NAV3: variants seen among roughly 807,000 people sequenced by gnomAD.
NAV3 encodes the protein neuron navigator 3.
Under a neutral mutation model 244.7 loss-of-function variants are expected in NAV3, and 87 were observed. The ratio of observed to expected loss-of-function variants is 0.36; its 90% CI spans 0.30 to 0.42. NAV3 has a LOEUF of 0.42. Among genes scored for constraint, NAV3 ranks in the 20% least tolerant of loss-of-function variants. The pLI is 1.00. For missense variants in NAV3, 2,663 were observed against 2,893.3 expected (o/e 0.92, Z 1.83); for synonymous variants, 1,126 against 1,042.2 (o/e 1.08, Z -1.55).
intron 2 of NAV3, among the ~76,000 whole-genome samples, chr12:77,824,541 G>T (rs969079396): frequency 2.0e-5 from 3 of 151,942 alleles, no homozygotes; most frequent in Admixed American, 2.0e-4. Flanking sequence ...TCCAAAATTT[G>T]ATATAAACTA....
At chr12:77,636,866 C>T (rs1364057775) in intron 2 of NAV3, among the ~76,000 whole-genome samples, 1 of 152,084 alleles carries the variant, frequency 6.6e-6, no homozygotes, top group African/African-American at 2.4e-5. Context: ...TGAAAACCAT[C>T]ATTCTCAGCA....
intron 8 of NAV3, among the ~76,000 whole-genome samples, chr12:78,017,172 G>A (rs1246566428): frequency 6.6e-6 from 1 of 152,038 alleles, no homozygotes; most frequent in Non-Finnish European, 1.5e-5. Flanking sequence ...ATAGGCTCTA[G>A]GAAAATACTA....
chr12:77,657,958 C>T (rs1481571358), intron 2 of NAV3, among the ~76,000 whole-genome samples: 80 of 152,196 alleles, frequency 5.3e-4, no homozygotes, highest in African/African-American at 1.8e-3. Flanking sequence ...GGATGTATCT[C>T]AAAATAATAA....
intron 2 of NAV3, among the ~76,000 whole-genome samples, chr12:77,772,937 T>C (rs960578609): frequency 6.6e-6 from 1 of 152,208 alleles, no homozygotes; most frequent in Non-Finnish European, 1.5e-5. Context: ...GAATAACAGA[T>C]AAATCTGGAC....
At chr12:77,824,621 AG>A (rs1235074566) in intron 2 of NAV3, among the ~76,000 whole-genome samples, 2 of 151,968 alleles carry the variant, frequency 1.3e-5, no homozygotes, top group African/African-American at 4.8e-5. Flanking sequence ...GGCCAGGTGC[AG>A]TGGCTAACAC....
Position 77,777,089 on chromosome 12 carries a change from C to T in NAV3, c.73-163230C>T, listed in dbSNP as rs566322492. Among the ~76,000 whole-genome samples the T allele has an allele frequency of 8.3e-4, 126 of 152,240 alleles. No individual in the cohort carries two copies. In the Middle Eastern group the frequency reaches 0.014, roughly 17 times the overall value. On this transcript the variant is annotated intron_variant, in intron 2 of 8. Transcript: ENST00000550042. ...TGCTTATAAACTAGTCTCGCTTTATCTGTGGGGACTTGTTCCAAGGCCCCT... is the reference window on the plus strand; with the variant it reads ...TGCTTATAAACTAGTCTCGCTTTATTTGTGGGGACTTGTTCCAAGGCCCCT...
intron 39 of NAV3, among the ~76,000 whole-genome samples, chr12:78,209,743 A>G (rs1960707068): frequency 6.6e-6 from 1 of 152,184 alleles, no homozygotes. Flanking sequence ...GACAGCCACT[A>G]TTGTTCCAGA....
Position 78,148,896 on chromosome 12 carries a change from C to T in NAV3, c.4762C>T (p.Leu1588Phe), listed in dbSNP as rs2139227185. ...TGCATCACAAGAAAAAGTTGCTACC[C>T]TCACATCTCAGCTTTCAGCAAATGT... Reference protein sequence around the residue: ...LVASQEKVATLTSQLSANAHL... With the variant: ...LVASQEKVATFTSQLSANAHL... Residue 1588 changes from leucine to phenylalanine, a missense_variant, in exon 22 of 40, where the codon CTC becomes TTC. By Grantham distance (22) the Leu-to-Phe change is conservative. Around this residue, in one of 6 missense-constraint regions of NAV3, gnomAD observed 48 missense variants for 90.0 expected, o/e 0.53. Coordinates refer to ENST00000397909, the MANE Select transcript of NAV3 (RefSeq NM_001024383.2). 6.2e-7 allele frequency: 1 copy of T among 1,612,598 alleles called. No individual in the cohort carries two copies. The highest frequency in any genetic ancestry group is 8.5e-7 in the Non-Finnish European group (1 of 1,179,198).
intron 2 of NAV3, among the ~76,000 whole-genome samples, chr12:77,664,720 A>G (rs1456203363): frequency 1.3e-5 from 2 of 152,186 alleles, no homozygotes. Flanking sequence ...CCCCACTTTG[A>G]TTTATTTATA....
intron 1 of NAV3, among the ~76,000 whole-genome samples, chr12:77,834,585 G>A (rs61709199): frequency 0.15 from 23,029 of 152,178 alleles, 4,351 homozygotes; most frequent in African/African-American, 0.45. Flanking sequence ...TATCTTTTCT[G>A]TAGGTTTAGT....
At chr12:78,090,191 A>G (rs775821510) in intron 12 of NAV3, among the ~76,000 whole-genome samples, 111 of 126,724 alleles carry the variant, frequency 8.8e-4, no homozygotes, top group Non-Finnish European at 1.5e-3. Context: ...ATATGTGTGT[A>G]TATATATATA....
chr12:77,928,730 G>A lies in NAV3; in HGVS notation c.244-11589G>A, dbSNP rs185509801. 1.2e-3 allele frequency among the ~76,000 whole-genome samples: 179 copies of A among 152,222 alleles called. 1 individual carries two copies. Among genetic ancestry groups the A allele is most frequent in the Non-Finnish European group, 2.0e-3 (137 of 68,012 alleles). ...CCTTTCTTTTCCTATCAACTTACCT[G>A]TATTTCTGTTCATCTAAAAATTTCC... On this transcript the variant is annotated intron_variant, in intron 1 of 39. Transcript: ENST00000397909.
chr12:77,616,739 C>A (rs1871158613), intron 2 of NAV3, among the ~76,000 whole-genome samples: 1 of 152,000 alleles, frequency 6.6e-6, no homozygotes, highest in Admixed American at 6.6e-5. Context: ...CGCACACACA[C>A]ACACACACAC....
At chr12:78,199,759 G>A (rs1467408986) in intron 37 of NAV3, among the ~76,000 whole-genome samples, 2 of 151,822 alleles carry the variant, frequency 1.3e-5, no homozygotes, top group South Asian at 4.2e-4. Flanking sequence ...GATCAGATAA[G>A]TTCAATATGG....
At chr12:78,130,345 G>T in intron 18 of NAV3, 1 of 214,878 alleles carries the variant, frequency 4.7e-6, no homozygotes, top group Non-Finnish European at 1.0e-5. Flanking sequence ...TTTTCTCTGA[G>T]GCCAAAGTCT....
At chr12:77,873,614 C>T (rs1881327866) in intron 1 of NAV3, among the ~76,000 whole-genome samples, 1 of 142,650 alleles carries the variant, frequency 7.0e-6, no homozygotes, top group African/African-American at 2.6e-5. Context: ...AGATGATTTG[C>T]TTGTCTAAAT....
chr12:78,093,533 A>G lies in NAV3; in HGVS notation c.2637-23239A>G, dbSNP rs941681362. 8.5e-5 allele frequency among the ~76,000 whole-genome samples: 13 copies of G among 152,352 alleles called. No homozygotes were observed. In the East Asian group the frequency reaches 2.5e-3, roughly 29 times the overall value. On this transcript the variant is annotated intron_variant, in intron 12 of 39. Coordinates refer to ENST00000397909, the MANE Select transcript of NAV3 (RefSeq NM_001024383.2). The stretch of plus-strand genomic sequence containing the variant: ...AAGTCCAGATATTGTTTTTGGAAAT[A>G]AAACACATAACACTATGGTGTAAAG...
intron 2 of NAV3, among the ~76,000 whole-genome samples, chr12:77,587,563 C>T (rs73417946): frequency 0.023 from 3,435 of 152,124 alleles, 137 homozygotes; most frequent in African/African-American, 0.079. Flanking sequence ...TCATTAGTTA[C>T]GTTTATATTC....
chr12:77,717,221 T>C (rs964258044), intron 2 of NAV3, among the ~76,000 whole-genome samples: 1 of 152,046 alleles, frequency 6.6e-6, no homozygotes, highest in Non-Finnish European at 1.5e-5. Flanking sequence ...CGCAGAAATC[T>C]AGAACTTTTT....
Sources: gnomAD v4.1 joint callset for allele counts (sites outside exome capture counted in the v4.1 genomes callset) on GRCh38, gnomAD v4.1.1 for gene constraint, gnomAD v4.1.1 regional missense constraint, MANE v1.5 for transcripts, NCBI Gene and HGNC (gene_info 2026-07-23, HGNC 2026-07-21) for gene names.